The following LYPLAL1 variants were observed in gnomAD, a reference collection of about 807,000 sequenced individuals.
The protein encoded by LYPLAL1 is lysophospholipase like 1, also known as lysophospholipase-like protein 1.
A neutral mutation model predicts 19.7 loss-of-function variants in LYPLAL1; 23 were observed. The observed-to-expected ratio is 1.17, with a 90% confidence interval of 0.84 to 1.65. The LOEUF (loss-of-function observed/expected upper bound fraction) is 1.65, where lower values mean the gene tolerates loss of function less well. Ranked by LOEUF, LYPLAL1 falls within the 40% of genes most tolerant of loss-of-function variation. The pLI, the probability that LYPLAL1 is intolerant of heterozygous loss-of-function variation, is 0.00. For missense variants in LYPLAL1, 355 were observed against 279.4 expected (o/e 1.27, Z -1.93); for synonymous variants, 119 against 96.3 (o/e 1.24, Z -1.38).
At chr1:219,221,945 C>G in the LYPLAL1 span, among the ~76,000 whole-genome samples, 5 of 152,102 alleles carry the variant, frequency 3.3e-5, no homozygotes, top group Non-Finnish European at 7.4e-5. Flanking sequence ...ACTTCCCTTC[C>G]CCACTATGAT....
Position 219,179,156 on chromosome 1 carries a change from G to C in LYPLAL1, c.101G>C (p.Gly34Ala). 1 of 1,604,850 alleles carries C rather than the reference G, an allele frequency of 6.2e-7. No homozygotes were observed. The highest frequency in any genetic ancestry group is 8.5e-7 in the Non-Finnish European group (1 of 1,176,462). ...LIFLHGSGDS[G>A]QGLRMWIKQV... ...TTTTTTGATTCATCAGGTGATTCTGGACAAGGATTAAGAATGTGGATCAAG... is the reference window on the plus strand; with the variant it reads ...TTTTTTGATTCATCAGGTGATTCTGCACAAGGATTAAGAATGTGGATCAAG... The change falls in exon 2 of 5, where the codon GGA (glycine) becomes GCA (alanine). Residue 34 changes from glycine to alanine, a missense_variant. Coordinates refer to ENST00000366928, the MANE Select transcript of LYPLAL1 (RefSeq NM_138794.5).
chr1:219,303,857 T>G, the LYPLAL1 span, among the ~76,000 whole-genome samples: 1 of 152,138 alleles, frequency 6.6e-6, no homozygotes, highest in Non-Finnish European at 1.5e-5. Flanking sequence ...GGCTACTATG[T>G]TTTTCTGTTT....
chr1:219,432,181 G>A, the LYPLAL1 span, among the ~76,000 whole-genome samples: 1 of 152,142 alleles, frequency 6.6e-6, no homozygotes, highest in Admixed American at 6.5e-5. Context: ...CAATTTAGAA[G>A]CAGGAGAAAT....
chr1:219,370,139 T>C, the LYPLAL1 span, among the ~76,000 whole-genome samples: 2 of 152,314 alleles, frequency 1.3e-5, no homozygotes, highest in South Asian at 4.1e-4. Context: ...AAGCACATTG[T>C]ACACAGCAAC....
At chr1:219,180,565 G>A (rs1656193090) in intron 2 of LYPLAL1, among the ~76,000 whole-genome samples, 1 of 152,084 alleles carries the variant, frequency 6.6e-6, no homozygotes, top group South Asian at 2.1e-4. Flanking sequence ...TTATTTTTGT[G>A]CTATAAATTG....
the LYPLAL1 span, among the ~76,000 whole-genome samples, chr1:219,234,703 A>G: frequency 6.6e-6 from 1 of 152,142 alleles, no homozygotes; most frequent in East Asian, 1.9e-4. Flanking sequence ...TGCCATTCCT[A>G]TAGAATTTTA....
the LYPLAL1 span, among the ~76,000 whole-genome samples, chr1:219,315,096 T>C: frequency 2.0e-5 from 3 of 152,156 alleles, no homozygotes; most frequent in Non-Finnish European, 4.4e-5. Flanking sequence ...GATCTTAGCA[T>C]AAATGAGAAA....
chr1:219,360,121 C>T, the LYPLAL1 span, among the ~76,000 whole-genome samples: 2 of 152,290 alleles, frequency 1.3e-5, no homozygotes, highest in Admixed American at 6.5e-5. Flanking sequence ...TCCAAGAGAG[C>T]ATTATGCAGA....
chr1:219,443,115 T>C, the LYPLAL1 span, among the ~76,000 whole-genome samples: 424 of 152,254 alleles, frequency 2.8e-3, no homozygotes, highest in Non-Finnish European at 4.5e-3. Flanking sequence ...ATGGAAAATT[T>C]AACGCCTGAA....
chr1:219,389,764 G>A, the LYPLAL1 span, among the ~76,000 whole-genome samples: 2 of 152,106 alleles, frequency 1.3e-5, no homozygotes, highest in East Asian at 3.9e-4. Flanking sequence ...AAGTAATTTC[G>A]GTTTTTGCCA....
At chr1:219,230,075 A>T in the LYPLAL1 span, among the ~76,000 whole-genome samples, 3 of 152,198 alleles carry the variant, frequency 2.0e-5, no homozygotes, top group East Asian at 5.8e-4. Flanking sequence ...AAGTAACCTG[A>T]GTTACTTTCA....
chr1:219,322,908 TTTAAGCGATGC>T, the LYPLAL1 span, among the ~76,000 whole-genome samples: 1 of 152,242 alleles, frequency 6.6e-6, no homozygotes, highest in Non-Finnish European at 1.5e-5. Flanking sequence ...TGCCAGTTTG[TTTAAGCGATGC>T]TTTTCCCTTT....
At chr1:219,192,080 C>CTGGAGGGAA (rs1558230201) in intron 2 of LYPLAL1, among the ~76,000 whole-genome samples, 1 of 151,370 alleles carries the variant, frequency 6.6e-6, no homozygotes, top group Non-Finnish European at 1.5e-5. Context: ...ATTTTGTTCC[C>CTGGAGGGAA]TTCCAGCACC....
At chr1:219,208,952 A>G (rs1658784755) in intron 3 of LYPLAL1, among the ~76,000 whole-genome samples, 1 of 152,132 alleles carries the variant, frequency 6.6e-6, no homozygotes, top group African/African-American at 2.4e-5. Context: ...AGATTTATTA[A>G]TGCACAAATT....
chr1:219,394,578 A>G, the LYPLAL1 span, among the ~76,000 whole-genome samples: 1 of 152,204 alleles, frequency 6.6e-6, no homozygotes, highest in Non-Finnish European at 1.5e-5. Flanking sequence ...GTGACATCAT[A>G]CAATATTTTT....
the LYPLAL1 span, among the ~76,000 whole-genome samples, chr1:219,375,905 C>A: frequency 1.3e-5 from 2 of 152,014 alleles, no homozygotes; most frequent in Non-Finnish European, 2.9e-5. Flanking sequence ...CCACGCCCAG[C>A]TAACTTTTTG....
At chr1:219,354,204 T>G in the LYPLAL1 span, among the ~76,000 whole-genome samples, 9 of 152,302 alleles carry the variant, frequency 5.9e-5, no homozygotes, top group East Asian at 1.7e-3. Flanking sequence ...AGTTCCACTT[T>G]TTTTTAAATT....
the LYPLAL1 span, among the ~76,000 whole-genome samples, chr1:219,356,747 T>G: frequency 6.6e-6 from 1 of 152,140 alleles, no homozygotes; most frequent in East Asian, 1.9e-4. Flanking sequence ...AGTAGTTGTT[T>G]CAAAAATTAC....
the LYPLAL1 span, among the ~76,000 whole-genome samples, chr1:219,371,783 T>C: frequency 6.6e-6 from 1 of 152,256 alleles, no homozygotes; most frequent in Non-Finnish European, 1.5e-5. Context: ...CACAAGTCTT[T>C]TACTATGCAG....
Sources: gnomAD v4.1 joint callset for allele counts (sites outside exome capture counted in the v4.1 genomes callset) on GRCh38, gnomAD v4.1.1 for gene constraint, MANE v1.5 for transcripts, NCBI Gene and HGNC (gene_info 2026-07-23, HGNC 2026-07-21) for gene names.